The following CDH18 variants were observed in gnomAD, a reference collection of about 807,000 sequenced individuals.
The protein encoded by CDH18 is cadherin 18.
In CDH18, 31 loss-of-function variants were observed where a neutral mutation model predicts 67.9. The ratio of observed to expected loss-of-function variants is 0.46; its 90% CI spans 0.34 to 0.62. CDH18 has a LOEUF of 0.62. CDH18 is among the 20% of genes least tolerant of loss of function. CDH18 has a pLI of 0.01. For synonymous variants in CDH18, 362 were observed against 347.2 expected, an observed-to-expected ratio of 1.04 and a Z score of -0.48; for missense variants, 890 against 975.5, an observed-to-expected ratio of 0.91 and a Z score of 1.17.
intron 6 of CDH18, among the ~76,000 whole-genome samples, chr5:19,610,676 A>G (rs1748804725): frequency 2.0e-5 from 3 of 152,090 alleles, no homozygotes; most frequent in African/African-American, 7.2e-5. Context: ...ATTATAATAA[A>G]GAGTATATTC....
chr5:20,536,886 C>T (rs1756756043), intron 1 of CDH18, among the ~76,000 whole-genome samples: 1 of 152,142 alleles, frequency 6.6e-6, no homozygotes, highest in Admixed American at 6.6e-5. Flanking sequence ...TGTCCCACCA[C>T]ATAAAAACAG....
intron 2 of CDH18, among the ~76,000 whole-genome samples, chr5:20,011,661 T>C (rs1237606067): frequency 2.6e-5 from 4 of 152,154 alleles, no homozygotes; most frequent in Non-Finnish European, 5.9e-5. Flanking sequence ...GTTTTTAACA[T>C]GAGGGGATGT....
intron 9 of CDH18, among the ~76,000 whole-genome samples, chr5:19,538,133 G>T (rs1309780373): frequency 1.3e-5 from 2 of 152,138 alleles, no homozygotes; most frequent in African/African-American, 4.8e-5. Context: ...AGGGAAAATT[G>T]CGTGATAGCA....
intron 2 of CDH18, among the ~76,000 whole-genome samples, chr5:20,017,892 T>C (rs934138980): frequency 2.0e-5 from 3 of 152,160 alleles, no homozygotes; most frequent in South Asian, 2.1e-4. Context: ...AAAGTACTTA[T>C]GGTAAATGAA....
intron 2 of CDH18, among the ~76,000 whole-genome samples, chr5:19,938,290 G>T (rs988030907): frequency 6.6e-6 from 1 of 150,950 alleles, no homozygotes; most frequent in Non-Finnish European, 1.5e-5. Context: ...TATTGTCATG[G>T]TTAACTTCTG....
At chr5:19,706,677 T>G (rs1156947863) in intron 5 of CDH18, among the ~76,000 whole-genome samples, 2 of 152,220 alleles carry the variant, frequency 1.3e-5, no homozygotes, top group African/African-American at 2.4e-5. Context: ...CATTCCAGCT[T>G]CTATTAAAAC....
intron 2 of CDH18, among the ~76,000 whole-genome samples, chr5:19,863,590 C>G (rs1785133434): frequency 6.6e-6 from 1 of 152,188 alleles, no homozygotes; most frequent in African/African-American, 2.4e-5. Context: ...CCTGAACTTT[C>G]TTGTGCCCAT....
intron 7 of CDH18, 80 bp from the exon 8 acceptor site, chr5:19,571,912 AT>A: frequency 1.8e-6 from 2 of 1,126,434 alleles, no homozygotes; most frequent in Non-Finnish European, 2.5e-6. Flanking sequence ...AATATGCATT[AT>A]TTTTTCCTTT....
At chr5:19,785,380 C>A (rs559413364) in intron 3 of CDH18, among the ~76,000 whole-genome samples, 1 of 151,370 alleles carries the variant, frequency 6.6e-6, no homozygotes, top group African/African-American at 2.4e-5. Context: ...AGGCCAGGCG[C>A]GGTGGCTCAT....
At chr5:19,902,807 T>C (rs1486382428) in intron 2 of CDH18, among the ~76,000 whole-genome samples, 1 of 152,186 alleles carries the variant, frequency 6.6e-6, no homozygotes, top group Non-Finnish European at 1.5e-5. Flanking sequence ...TTCAGAACTT[T>C]GGTTTCCCAC....
intron 2 of CDH18, among the ~76,000 whole-genome samples, chr5:20,115,270 CTTTTTTTTT>C (rs753438800): frequency 2.2e-4 from 13 of 58,138 alleles, no homozygotes; most frequent in Admixed American, 9.2e-4. Flanking sequence ...AGGGCCTCAT[CTTTTTTTTT>C]TTTTTTTTTT....
chr5:20,234,712 C>T lies in CDH18; in HGVS notation c.-518+20732G>A, dbSNP rs186072181. On this transcript the variant is annotated intron_variant, in intron 2 of 14. Coordinates refer to the CDH18 transcript ENST00000507958. ...TAAGATGATTCCCAAATTAAACACA[C>T]ACAAAAACAGAATTAAAAAAAAATT... Among the ~76,000 whole-genome samples the T allele has an allele frequency of 3.6e-4, 55 of 152,122 alleles. 3 individuals carry two copies. In the East Asian group the frequency reaches 0.01, roughly 29 times the overall value.
At chr5:20,332,943 T>G (rs1328313092) in intron 1 of CDH18, among the ~76,000 whole-genome samples, 1 of 152,148 alleles carries the variant, frequency 6.6e-6, no homozygotes, top group Non-Finnish European at 1.5e-5. Context: ...TCACCTAATG[T>G]GCATAGCTTT....
intron 1 of CDH18, among the ~76,000 whole-genome samples, chr5:20,377,561 A>C (rs1293245093): frequency 1.3e-5 from 2 of 152,218 alleles, no homozygotes; most frequent in Non-Finnish European, 2.9e-5. Flanking sequence ...AAATGTCATC[A>C]TTGAAATATT....
At chr5:20,434,990 T>G (rs1430477475) in intron 1 of CDH18, among the ~76,000 whole-genome samples, 1 of 152,082 alleles carries the variant, frequency 6.6e-6, no homozygotes, top group Non-Finnish European at 1.5e-5. Flanking sequence ...CTGATCTTCC[T>G]GGAGTGTCTT....
chr5:20,222,468 T>C (rs1741307316), intron 2 of CDH18, among the ~76,000 whole-genome samples: 1 of 152,118 alleles, frequency 6.6e-6, no homozygotes, highest in South Asian at 2.1e-4. Flanking sequence ...ATCCAGGAAG[T>C]GCAGCTTCCT....
At position 19,471,967 on chromosome 5, in the gene CDH18, A is replaced by G. The variant is rs1251984438; in HGVS notation, c.*1259T>C. On this transcript the variant is annotated 3_prime_UTR_variant, in exon 13 of 13. Transcript: ENST00000382275. Reference sequence around the variant, plus strand: ...CTCACAACAACCCTGTGAGGTGGGCAGGGAAGTCATTGCCATCTCTACTTT... The same window carrying G: ...CTCACAACAACCCTGTGAGGTGGGCGGGGAAGTCATTGCCATCTCTACTTT... 6.6e-6 allele frequency among the ~76,000 whole-genome samples: 1 copy of G among 152,180 alleles called. No individual in the cohort carries two copies. The highest frequency in any genetic ancestry group is 1.5e-5 in the Non-Finnish European group (1 of 68,032).
chr5:20,436,866 G>A (rs376469793), intron 1 of CDH18, among the ~76,000 whole-genome samples: 35 of 150,508 alleles, frequency 2.3e-4, no homozygotes, highest in African/African-American at 6.8e-4. Flanking sequence ...TTTTACTCCC[G>A]CAGCAATTCA....
rs1768631219 is a variant in CDH18, at chr5:19,738,300, T to C, written c.523+8642A>G. Among the ~76,000 whole-genome samples the C allele has an allele frequency of 2.0e-5, 3 of 152,112 alleles. No homozygotes were observed. In the South Asian group the frequency reaches 6.2e-4, roughly 32 times the overall value. On this transcript the variant is annotated intron_variant, in intron 4 of 12. Coordinates refer to ENST00000382275, the MANE Select transcript of CDH18 (RefSeq NM_004934.5). ...TTGCTCTAAGATCAATTGTAGTAAATATTTTGCTGTTTATTTTCTTTAAAA... is the reference window on the plus strand; with the variant it reads ...TTGCTCTAAGATCAATTGTAGTAAACATTTTGCTGTTTATTTTCTTTAAAA...
Sources: gnomAD v4.1 joint callset for allele counts (sites outside exome capture counted in the v4.1 genomes callset) on GRCh38, gnomAD v4.1.1 for gene constraint, MANE v1.5 for transcripts, NCBI Gene and HGNC (gene_info 2026-07-23, HGNC 2026-07-21) for gene names.